The following SERPINI1 variants were observed in gnomAD, a reference collection of about 807,000 sequenced individuals.
SERPINI1 encodes neuroserpin.
SERPINI1 carries 19 observed loss-of-function variants against 41.1 expected under a neutral mutation model. The ratio of observed to expected loss-of-function variants is 0.46; its 90% CI spans 0.32 to 0.68. The LOEUF is 0.68. Among genes scored for constraint, SERPINI1 ranks in the 30% least tolerant of loss-of-function variants. The pLI is 0.03. For synonymous variants in SERPINI1, 138 were observed against 156.6 expected, an observed-to-expected ratio of 0.88 and a Z score of 0.89; for missense variants, 460 against 479.2, an observed-to-expected ratio of 0.96 and a Z score of 0.37.
chr3:167,782,514 A>T (rs1175230055), intron 1 of SERPINI1, among the ~76,000 whole-genome samples: 1 of 152,206 alleles, frequency 6.6e-6, no homozygotes, highest in Non-Finnish European at 1.5e-5. Flanking sequence ...AATTTAATAA[A>T]TATTTATTTG....
chr3:167,820,829 C>A (rs1712298483), intron 6 of SERPINI1, among the ~76,000 whole-genome samples: 1 of 152,220 alleles, frequency 6.6e-6, no homozygotes, highest in African/African-American at 2.4e-5. Flanking sequence ...GGGGTCCAGG[C>A]TGCCAGTTCT....
intron 1 of SERPINI1, among the ~76,000 whole-genome samples, chr3:167,763,506 A>G (rs1399903280): frequency 6.6e-6 from 1 of 152,010 alleles, no homozygotes; most frequent in East Asian, 1.9e-4. Context: ...CAGCCTCCCA[A>G]GTAACTGGAA....
intron 6 of SERPINI1, among the ~76,000 whole-genome samples, chr3:167,810,713 A>G (rs1370831002): frequency 6.6e-6 from 1 of 152,182 alleles, no homozygotes; most frequent in South Asian, 2.1e-4. Context: ...TAAGACAACA[A>G]TGAAGTTTGC....
At chr3:167,755,067 C>T (rs975239091) in intron 1 of SERPINI1, among the ~76,000 whole-genome samples, 3 of 152,174 alleles carry the variant, frequency 2.0e-5, no homozygotes, top group Non-Finnish European at 4.4e-5. Flanking sequence ...AATCCCATTC[C>T]TTCTTGACTT....
At chr3:167,779,225 A>G (rs9814257) in intron 1 of SERPINI1, among the ~76,000 whole-genome samples, 32,744 of 152,204 alleles carry the variant, frequency 0.22, 4,523 homozygotes, top group Non-Finnish European at 0.31. Context: ...AACCGATTAA[A>G]TGGTAATTAT....
intron 4 of SERPINI1, among the ~76,000 whole-genome samples, chr3:167,794,287 G>A (rs1727642468): frequency 6.6e-6 from 1 of 152,150 alleles, no homozygotes; most frequent in Non-Finnish European, 1.5e-5. Context: ...ATACAGGGCT[G>A]TGAACTTATT....
intron 1 of SERPINI1, among the ~76,000 whole-genome samples, chr3:167,750,016 G>T (rs1313976047): frequency 6.6e-6 from 1 of 152,068 alleles, no homozygotes; most frequent in Non-Finnish European, 1.5e-5. Flanking sequence ...TAAGAAAGAG[G>T]ATTAATTGTT....
intron 1 of SERPINI1, among the ~76,000 whole-genome samples, chr3:167,781,781 G>T (rs995096152): frequency 6.6e-6 from 1 of 151,398 alleles, no homozygotes; most frequent in African/African-American, 2.4e-5. Flanking sequence ...TTATAAAAAA[G>T]ATGCATTTGT....
At chr3:167,774,257 AT>A (rs1726890822) in intron 1 of SERPINI1, among the ~76,000 whole-genome samples, 1 of 152,212 alleles carries the variant, frequency 6.6e-6, no homozygotes, top group African/African-American at 2.4e-5. Flanking sequence ...ACTTTGACTT[AT>A]AAAAATGACA....
chr3:167,806,934 TG>T (rs1711666583), intron 5 of SERPINI1, among the ~76,000 whole-genome samples: 1 of 152,172 alleles, frequency 6.6e-6, no homozygotes, highest in Admixed American at 6.6e-5. Flanking sequence ...CTCAATACTA[TG>T]ATACTAAGTA....
intron 1 of SERPINI1, among the ~76,000 whole-genome samples, chr3:167,748,810 C>T (rs1725948380): frequency 6.8e-6 from 1 of 146,470 alleles, no homozygotes; most frequent in African/African-American, 2.5e-5. Context: ...TATCTAAATA[C>T]CAGTTCTCCA....
chr3:167,813,415 A>G (rs1577433234), intron 6 of SERPINI1, among the ~76,000 whole-genome samples: 1 of 152,002 alleles, frequency 6.6e-6, no homozygotes, highest in African/African-American at 2.4e-5. Flanking sequence ...CCTACTCCCC[A>G]ACCTCCTCAT....
At chr3:167,814,849 C>T (rs1425136957) in intron 6 of SERPINI1, among the ~76,000 whole-genome samples, 1 of 152,162 alleles carries the variant, frequency 6.6e-6, no homozygotes, top group Non-Finnish European at 1.5e-5. Flanking sequence ...ATCCTGGCCT[C>T]ATGCTGCCTG....
chr3:167,762,861 A>T (rs1726431408), intron 1 of SERPINI1, among the ~76,000 whole-genome samples: 1 of 152,010 alleles, frequency 6.6e-6, no homozygotes, highest in Non-Finnish European at 1.5e-5. Context: ...TGAAGACTTG[A>T]ATGTTTAACA....
chr3:167,815,335 A>G (rs1712042143), intron 6 of SERPINI1, among the ~76,000 whole-genome samples: 1 of 149,784 alleles, frequency 6.7e-6, no homozygotes, highest in South Asian at 2.1e-4. Flanking sequence ...AAAAGGCTTC[A>G]TTTTCTTTTT....
At chr3:167,819,909 C>T (rs954484421) in intron 6 of SERPINI1, among the ~76,000 whole-genome samples, 6 of 152,180 alleles carry the variant, frequency 3.9e-5, no homozygotes, top group Non-Finnish European at 7.3e-5. Flanking sequence ...CTTTTTCTTA[C>T]TCTCCTGTGC....
At chr3:167,788,069 A>G (rs1186004487) in intron 1 of SERPINI1, among the ~76,000 whole-genome samples, 1 of 152,228 alleles carries the variant, frequency 6.6e-6, no homozygotes, top group Non-Finnish European at 1.5e-5. Context: ...ATGATCAAGA[A>G]CAAGTAAGTT....
intron 1 of SERPINI1, among the ~76,000 whole-genome samples, chr3:167,772,893 T>TATATATATATATATATACAC (rs1391850018): frequency 1.9e-5 from 1 of 52,252 alleles, no homozygotes; most frequent in Non-Finnish European, 3.4e-5. Flanking sequence ...TATATATATA[T>TATATATATATATATATACAC]ACACACACAC....
At chr3:167,739,111 CTT>C (rs79245847) in intron 1 of SERPINI1, among the ~76,000 whole-genome samples, 22 of 115,538 alleles carry the variant, frequency 1.9e-4, no homozygotes, top group South Asian at 2.8e-4. Context: ...TTTGTTGTTT[CTT>C]TTTTTTTTTT....
Sources: gnomAD v4.1 joint callset for allele counts (sites outside exome capture counted in the v4.1 genomes callset) on GRCh38, gnomAD v4.1.1 for gene constraint, MANE v1.5 for transcripts, NCBI Gene and HGNC (gene_info 2026-07-23, HGNC 2026-07-21) for gene names.